The following NADSYN1 variants were observed in gnomAD, a reference collection of about 807,000 sequenced individuals.
The protein encoded by NADSYN1 is glutamine-dependent NAD(+) synthetase.
A neutral mutation model predicts 99.3 loss-of-function variants in NADSYN1; 80 were observed. That is an observed-to-expected ratio of 0.81 (90% CI 0.67 to 0.97). The LOEUF is 0.97. NADSYN1 is among the 50% of genes least tolerant of loss of function. The probability of loss-of-function intolerance (pLI) is 0.00; values close to 1 mark genes in which losing one functional copy is unlikely to be tolerated. For missense variants in NADSYN1, 859 were observed against 948.5 expected (o/e 0.91, Z 1.24); for synonymous variants, 385 against 372.1 (o/e 1.03, Z -0.40).
intron 5 of NADSYN1, among the ~76,000 whole-genome samples, chr11:71,465,414 G>T (rs1949581154): frequency 6.6e-6 from 1 of 152,196 alleles, no homozygotes; most frequent in Admixed American, 6.5e-5. Context: ...TGATTAAATT[G>T]TAGCCATGTT....
chr11:71,497,600 AC>A lies in NADSYN1; in HGVS notation c.1886del (p.Pro629ArgfsTer8). 3.1e-6 allele frequency: 5 copies of A among 1,614,036 alleles called. No individual in the cohort carries two copies. Among genetic ancestry groups the A allele is most frequent in the Non-Finnish European group, 4.2e-6 (5 of 1,180,006 alleles). On this transcript the variant is annotated frameshift_variant, in exon 19 of 21. Coordinates refer to ENST00000319023, the MANE Select transcript of NADSYN1 (RefSeq NM_018161.5). LOFTEE classifies it high-confidence loss of function. ...CCTCGGCATGTGGAGACACATCTGC[AC>A]CCCGAGACAGGTAAAGCCTGTGAGA... ...KLLGMWRHIC[T>X]PRQVADKVKR...
Position 71,463,449 on chromosome 11 carries a change from A to T in NADSYN1, c.281A>T (p.Asn94Ile). 6.2e-7 allele frequency: 1 copy of T among 1,613,996 alleles called. No individual in the cohort carries two copies. Among genetic ancestry groups the T allele is most frequent in the Non-Finnish European group, 8.5e-7 (1 of 1,179,948 alleles). Residue 94 changes from asparagine (N) to isoleucine (I), a missense_variant, in exon 4 of 21, where the codon AAC becomes ATC. By Grantham distance (149) the Asn-to-Ile change is moderately radical. Transcript: ENST00000319023. ...CDVGMPVMHR[N>I]VRYNCRVIFL... is the part of the protein sequence containing the mutation. ...TCCTGCAGGCCTGTAATGCACCGAA[A>T]CGTCCGCTACAACTGCAGAGTGATA...
chr11:71,465,837 C>G (rs1222634430), intron 5 of NADSYN1, among the ~76,000 whole-genome samples: 1 of 152,174 alleles, frequency 6.6e-6, no homozygotes, highest in African/African-American at 2.4e-5. Flanking sequence ...TTGACTACCT[C>G]ATTAAATTCT....
chr11:71,466,173 A>G (rs1341860068), intron 5 of NADSYN1, among the ~76,000 whole-genome samples: 3 of 152,108 alleles, frequency 2.0e-5, no homozygotes, highest in Non-Finnish European at 2.9e-5. Flanking sequence ...AGTTTATCCC[A>G]TGTCTTTTTA....
intron 16 of NADSYN1, among the ~76,000 whole-genome samples, chr11:71,490,188 C>T (rs781422810): frequency 2.6e-5 from 4 of 152,182 alleles, no homozygotes; most frequent in African/African-American, 7.2e-5. Context: ...CTTTGGCTCA[C>T]GACGCCTCCT....
At chr11:71,478,553 G>C in intron 10 of NADSYN1, 84 bp downstream of exon 10, 2 of 1,252,770 alleles carry the variant, frequency 1.6e-6, no homozygotes, top group Non-Finnish European at 2.3e-6. Context: ...GGTGGAGGCC[G>C]TGAGGGTGCA....
rs372780881 is a variant in NADSYN1 at position 71,501,384 on chromosome 11, C to T, written c.*32C>T. On this transcript the variant is annotated 3_prime_UTR_variant, in exon 21 of 21. Coordinates refer to ENST00000319023, the MANE Select transcript of NADSYN1 (RefSeq NM_018161.5). Reference sequence around the variant, plus strand: ...TTCCTTCCTGGAGGCCTCCTGTCCTCGGGGACCCCAGCACCTCATCATCAG... The same window carrying T: ...TTCCTTCCTGGAGGCCTCCTGTCCTTGGGGACCCCAGCACCTCATCATCAG... 6.3e-6 allele frequency: 10 copies of T among 1,575,462 alleles called. No individual in the cohort carries two copies. The highest frequency in any genetic ancestry group is 4.0e-5 in the African/African-American group (3 of 74,144).
intron 12 of NADSYN1, 79 bp downstream of exon 12, chr11:71,481,483 ATT>A (rs368250598): frequency 0.07 from 72,223 of 1,029,260 alleles, no homozygotes; most frequent in South Asian, 0.087. Context: ...CAGGGTAGGG[ATT>A]TTTTTTTTTT....
intron 14 of NADSYN1, 100 bp downstream of exon 14, chr11:71,483,117 T>C: frequency 7.1e-7 from 1 of 1,405,862 alleles, no homozygotes; most frequent in Non-Finnish European, 9.9e-7. Flanking sequence ...GCTTCATTCA[T>C]TCCGCATCGT....
At chr11:71,472,608 C>A (rs1420135070) in intron 6 of NADSYN1, 108 bp downstream of exon 6, 2 of 978,548 alleles carry the variant, frequency 2.0e-6, no homozygotes, top group Non-Finnish European at 3.3e-6. Context: ...ATGGAAGGCA[C>A]CACAGTGCTC....
At chr11:71,500,001 A>G (rs1196749580) in intron 20 of NADSYN1, 3 of 152,252 alleles carry the variant, frequency 2.0e-5, no homozygotes, top group Non-Finnish European at 4.4e-5. Flanking sequence ...GTGCCACTGC[A>G]CTCCAGCCTA....
intron 5 of NADSYN1, among the ~76,000 whole-genome samples, chr11:71,466,223 T>C (rs1949588423): frequency 6.6e-6 from 1 of 152,228 alleles, no homozygotes; most frequent in Admixed American, 6.5e-5. Flanking sequence ...CTTTGCTTTC[T>C]AATGTCTCCA....
intron 1 of NADSYN1, among the ~76,000 whole-genome samples, chr11:71,453,923 G>A (rs1041159421): frequency 1.3e-5 from 2 of 152,290 alleles, no homozygotes; most frequent in African/African-American, 2.4e-5. Context: ...TGGCCATCAT[G>A]GTGAAACACC....
rs367728142 is a variant in NADSYN1, at chr11:71,464,152, G to T, written c.407+10G>T. 1 of 1,598,216 alleles carries T rather than the reference G, an allele frequency of 6.3e-7. No homozygotes were observed. The highest frequency in any genetic ancestry group is 1.7e-5 in the Admixed American group (1 of 58,198). On this transcript the variant is annotated intron_variant, in intron 5 of 20. Coordinates refer to ENST00000319023, the MANE Select transcript of NADSYN1 (RefSeq NM_018161.5). ...CGTGGTCGAGGAGTCGGTGAGTCGG[G>T]TGCCTGACCACTCCTGGGATGTGCG... is the stretch of plus-strand genomic sequence containing the variant.
intron 10 of NADSYN1, 163 bp downstream of exon 10, chr11:71,478,632 G>A (rs540770330): frequency 3.1e-6 from 2 of 642,568 alleles, no homozygotes; most frequent in African/African-American, 3.6e-5. Context: ...GCCGCAGACA[G>A]AACCTGCTTC....
chr11:71,469,217 G>C (rs914750774), intron 5 of NADSYN1, among the ~76,000 whole-genome samples: 3 of 152,148 alleles, frequency 2.0e-5, no homozygotes, highest in African/African-American at 7.2e-5. Context: ...CAGCACTTTG[G>C]GAGGCCAAAG....
intron 20 of NADSYN1, among the ~76,000 whole-genome samples, chr11:71,500,683 T>A (rs1305266522): frequency 6.6e-6 from 1 of 151,472 alleles, no homozygotes; most frequent in African/African-American, 2.4e-5. Flanking sequence ...GCTCAAAGAG[T>A]GACTTAGAGG....
intron 5 of NADSYN1, among the ~76,000 whole-genome samples, chr11:71,465,214 G>A (rs564939978): frequency 6.6e-6 from 1 of 152,244 alleles, no homozygotes; most frequent in East Asian, 1.9e-4. Context: ...GGCCACTGCG[G>A]AAGGAGGTCA....
chr11:71,453,312 A>G lies in NADSYN1; in HGVS notation c.16A>G (p.Thr6Ala). 6.2e-7 allele frequency: 1 copy of G among 1,613,720 alleles called. No individual in the cohort carries two copies. Among genetic ancestry groups the G allele is most frequent in the Non-Finnish European group, 8.5e-7 (1 of 1,179,766 alleles). Residue 6 changes from threonine to alanine, a missense_variant, in exon 1 of 21, where the codon ACC becomes GCC. Transcript: ENST00000319023. Reference sequence around the variant, plus strand: ...TGCGGCCAGGATGGGCCGGAAGGTGACCGTGGCCACCTGCGCACTCAACCA... The same window carrying G: ...TGCGGCCAGGATGGGCCGGAAGGTGGCCGTGGCCACCTGCGCACTCAACCA... The part of the protein sequence containing the change: MGRKV[T>A]VATCALNQWA...
Sources: gnomAD v4.1 joint callset for allele counts (sites outside exome capture counted in the v4.1 genomes callset) on GRCh38, gnomAD v4.1.1 for gene constraint, MANE v1.5 for transcripts, NCBI Gene and HGNC (gene_info 2026-07-23, HGNC 2026-07-21) for gene names.